CIB1: variants seen among roughly 807,000 people sequenced by gnomAD.
CIB1 encodes the protein calcium and integrin binding 1, also known as calcium and integrin-binding protein 1.
CIB1 carries 19 observed loss-of-function variants against 25.0 expected under a neutral mutation model. That is an observed-to-expected ratio of 0.76 (90% CI 0.53 to 1.12). The LOEUF (loss-of-function observed/expected upper bound fraction) is 1.12. Among genes scored for constraint, CIB1 ranks in the 50% most tolerant of loss-of-function variants. The pLI is 0.00. For missense variants in CIB1, 236 were observed against 242.6 expected, an observed-to-expected ratio of 0.97 and a Z score of 0.18; for synonymous variants, 104 against 98.5, an observed-to-expected ratio of 1.06 and a Z score of -0.33.
Position 90,231,152 on chromosome 15 carries a change from C to T in CIB1, c.408G>A (p.Thr136=), listed in dbSNP as rs745539161. The T allele has an allele frequency of 1.2e-5, 20 of 1,614,104 alleles. No homozygotes were observed. Among genetic ancestry groups the T allele is most frequent in the African/African-American group, 8.0e-5 (6 of 74,932 alleles). ...EDLSRLVNCL[T]GEGEDTRLSA... Reference sequence around the variant, plus strand: ...TAAGCCGTGTGTCCTCGCCCTCTCCCGTGAGGCAGTTCACCAGCCGGCTCA... The same window carrying T: ...TAAGCCGTGTGTCCTCGCCCTCTCCTGTGAGGCAGTTCACCAGCCGGCTCA... The change falls in exon 5 of 7, where the codon ACG becomes ACA. Residue 136 remains threonine (T), a synonymous_variant. Transcript: ENST00000328649.
chr15:90,264,123 T>C, the CIB1 span: 1 of 1,015,516 alleles, frequency 9.8e-7, no homozygotes, highest in East Asian at 2.6e-5. Context: ...AGCATAGAGC[T>C]TGGATGCCCC....
the CIB1 span, chr15:90,255,993 T>G: frequency 6.3e-7 from 1 of 1,576,444 alleles, no homozygotes; most frequent in Non-Finnish European, 8.6e-7. Context: ...GGAAGTGGAA[T>G]GAGAAAGTTT....
chr15:90,232,484 T>C (rs149076566), intron 2 of CIB1, 157 bp from the exon 3 acceptor site: 6 of 1,259,446 alleles, frequency 4.8e-6, no homozygotes, highest in Admixed American at 6.1e-5. Context: ...CAAAAGGACA[T>C]GTCACAAGGC....
At chr15:90,264,045 C>A in the CIB1 span, 2 of 1,534,476 alleles carry the variant, frequency 1.3e-6, no homozygotes, top group Non-Finnish European at 1.7e-6. Flanking sequence ...GTGCCAGAAT[C>A]AGGCTCACTA....
chr15:90,240,094 A>G, the CIB1 span, among the ~76,000 whole-genome samples: 1 of 149,178 alleles, frequency 6.7e-6, no homozygotes, highest in African/African-American at 2.6e-5. Flanking sequence ...GTGGTGGCAC[A>G]TTCCTATAAT....
Position 90,231,521 on chromosome 15 carries a change from C to T in CIB1, c.196-14G>A, listed in dbSNP as rs369459169. The T allele has an allele frequency of 1.9e-5, 31 of 1,611,838 alleles. No individual in the cohort carries two copies. In the African/African-American group the frequency reaches 2.0e-4, roughly 10 times the overall value. Reference sequence around the variant, plus strand: ...GAAGGGGTTGGCCTAGGAGAACAAACGCCACAGGACGTGGCCCAGGTCACA... The same window carrying T: ...GAAGGGGTTGGCCTAGGAGAACAAATGCCACAGGACGTGGCCCAGGTCACA... On this transcript the variant is annotated splice_polypyrimidine_tract_variant and intron_variant, in intron 3 of 6. Transcript: ENST00000328649.
At chr15:90,246,633 C>A in the CIB1 span, among the ~76,000 whole-genome samples, 10 of 150,438 alleles carry the variant, frequency 6.6e-5, no homozygotes, top group African/African-American at 2.4e-4. Context: ...TCTGAAAATA[C>A]AAAAATTAGC....
At chr15:90,246,341 T>A in the CIB1 span, among the ~76,000 whole-genome samples, 4 of 151,960 alleles carry the variant, frequency 2.6e-5, no homozygotes, top group African/African-American at 9.7e-5. Context: ...ACTAAGAGGG[T>A]TTAGACTTGA....
the CIB1 span, chr15:90,251,437 C>G: frequency 8.8e-7 from 1 of 1,130,086 alleles, no homozygotes; most frequent in Non-Finnish European, 1.3e-6. Context: ...CCTGGTCTGT[C>G]TTTTAAGTGG....
At chr15:90,250,735 T>C in the CIB1 span, 6 of 1,614,192 alleles carry the variant, frequency 3.7e-6, 1 homozygote, top group East Asian at 8.9e-5. Flanking sequence ...CCTCTAACTC[T>C]TCACAGCAGG....
chr15:90,251,030 C>A, the CIB1 span: 1 of 1,145,630 alleles, frequency 8.7e-7, no homozygotes, highest in Non-Finnish European at 1.2e-6. Context: ...GTCATTAACC[C>A]TTTGATACAA....
At chr15:90,265,738 T>C in the CIB1 span, 5 of 1,613,194 alleles carry the variant, frequency 3.1e-6, no homozygotes, top group Admixed American at 6.7e-5. Flanking sequence ...AGTCTCTTGC[T>C]GGGCGGGCGC....
the CIB1 span, chr15:90,263,537 G>A: frequency 1.3e-5 from 7 of 549,494 alleles, no homozygotes; most frequent in Admixed American, 2.2e-4. Flanking sequence ...AACAGATTTG[G>A]GCCAACAAAA....
chr15:90,255,519 C>T, the CIB1 span, among the ~76,000 whole-genome samples: 1 of 152,132 alleles, frequency 6.6e-6, no homozygotes, highest in African/African-American at 2.4e-5. Context: ...CTTCTCACTG[C>T]CCCTCATTTG....
the CIB1 span, chr15:90,242,198 C>T: frequency 3.0e-6 from 2 of 674,746 alleles, no homozygotes; most frequent in Non-Finnish European, 2.4e-6. Flanking sequence ...AGTGATCCTC[C>T]CACCTCAGCC....
the CIB1 span, chr15:90,265,744 G>A: frequency 6.2e-7 from 1 of 1,613,264 alleles, no homozygotes. Context: ...TTGCTGGGCG[G>A]GCGCGTTTGC....
At chr15:90,265,683 G>T in the CIB1 span, 2 of 1,612,456 alleles carry the variant, frequency 1.2e-6, no homozygotes, top group South Asian at 2.2e-5. Flanking sequence ...CTGTTTCGTA[G>T]CCGACTGCTG....
At chr15:90,264,900 T>G in the CIB1 span, 6 of 1,535,986 alleles carry the variant, frequency 3.9e-6, no homozygotes, top group African/African-American at 1.4e-5. Context: ...AAGGTTCCCC[T>G]CTGCCCTGCG....
In CIB1 at chr15:90,230,195, TAGAAG is replaced by T. The variant is rs369492809; in HGVS notation, c.*284_*288del. The T allele has an allele frequency of 9.7e-4, 479 of 492,152 alleles. 2 individuals carry two copies. The East Asian group carries it at 0.016, about 16-fold the overall frequency. 30.5% of individuals were successfully genotyped at this position (492,152 alleles called of 1,614,324 possible). On this transcript the variant is annotated 3_prime_UTR_variant, in exon 7 of 7. Coordinates refer to ENST00000328649, the MANE Select transcript of CIB1 (RefSeq NM_006384.4). Reference sequence around the variant, plus strand: ...TATTCCTAGGATGATTGAAGGCTCTTAGAAGAGAAGTCCAGTCCTTCCTCATACCA... The same window carrying T: ...TATTCCTAGGATGATTGAAGGCTCTTAGAAGTCCAGTCCTTCCTCATACCA...
Sources: gnomAD v4.1 joint callset for allele counts (sites outside exome capture counted in the v4.1 genomes callset) on GRCh38, gnomAD v4.1.1 for gene constraint, MANE v1.5 for transcripts, NCBI Gene and HGNC (gene_info 2026-07-23, HGNC 2026-07-21) for gene names.